Variants in MGA observed in about 807,000 individuals in gnomAD.
MGA encodes the protein MAX gene-associated protein.
MGA carries 40 observed loss-of-function variants against 261.1 expected under a neutral mutation model. The ratio of observed to expected loss-of-function variants is 0.15; its 90% CI spans 0.12 to 0.20. MGA has a LOEUF of 0.20. MGA is among the 10% of genes least tolerant of loss of function. The probability of loss-of-function intolerance (pLI) is 1.00; values close to 1 mark genes in which losing one functional copy is unlikely to be tolerated. For synonymous variants in MGA, 1,302 were observed against 1,290.6 expected, an observed-to-expected ratio of 1.01 and a Z score of -0.19; for missense variants, 3,397 against 3,630.5, an observed-to-expected ratio of 0.94 and a Z score of 1.65.
At chr15:41,705,941 A>G (rs577611393) in intron 5 of MGA, among the ~76,000 whole-genome samples, 2 of 152,332 alleles carry the variant, frequency 1.3e-5, no homozygotes, top group African/African-American at 4.8e-5. Flanking sequence ...ATTAAATACA[A>G]TAAATATGTA....
chr15:41,683,305 G>T (rs2058770932), intron 2 of MGA, among the ~76,000 whole-genome samples: 1 of 151,436 alleles, frequency 6.6e-6, no homozygotes, highest in Admixed American at 6.6e-5. Context: ...CTGCAAGCTT[G>T]GTCTCTTGGT....
chr15:41,672,030 A>G (rs2058090384), intron 2 of MGA, among the ~76,000 whole-genome samples: 1 of 152,260 alleles, frequency 6.6e-6, no homozygotes, highest in Non-Finnish European at 1.5e-5. Flanking sequence ...ACAGTTGACC[A>G]CAAATTATAT....
At chr15:41,728,769 G>A (rs2061369604) in intron 10 of MGA, among the ~76,000 whole-genome samples, 1 of 152,112 alleles carries the variant, frequency 6.6e-6, no homozygotes, top group Non-Finnish European at 1.5e-5. Context: ...GAAAATAAGA[G>A]TAAATATTTA....
At position 41,709,703 on chromosome 15, in the gene MGA, C is replaced by T. The variant is rs115466401; in HGVS notation, c.2426-988C>T. On this transcript the variant is annotated intron_variant, in intron 7 of 23. Transcript: ENST00000219905. ...CACCTGCCTTGGCCTCACTAAGTGCCGGGATTACAGGCATGAACCCCCGTG... is the reference window on the plus strand; with the variant it reads ...CACCTGCCTTGGCCTCACTAAGTGCTGGGATTACAGGCATGAACCCCCGTG... Among the ~76,000 whole-genome samples the T allele has an allele frequency of 4.1e-3, 624 of 152,000 alleles. 5 individuals are homozygous for T. Among genetic ancestry groups the T allele is most frequent in the African/African-American group, 0.014 (582 of 41,468 alleles).
In MGA at chr15:41,661,949, A is replaced by G. The variant is rs115303965; in HGVS notation, c.-68+1424A>G. On this transcript the variant is annotated intron_variant, in intron 1 of 23. Coordinates refer to ENST00000219905, the MANE Select transcript of MGA (RefSeq NM_001164273.2). ...ATCTGTCGGGACTCTTCCCCGGAAG[A>G]GCTTTCCTTGCGGCATTTTTTCACG... Among the ~76,000 whole-genome samples the G allele has an allele frequency of 4.6e-3, 699 of 151,878 alleles. 5 individuals are homozygous for G. Among genetic ancestry groups the G allele is most frequent in the African/African-American group, 0.016 (668 of 41,390 alleles).
At chr15:41,690,870 C>CCTTG (rs35750120) in intron 2 of MGA, among the ~76,000 whole-genome samples, 33,707 of 151,820 alleles carry the variant, frequency 0.22, 4,635 homozygotes, top group Middle Eastern at 0.41. Flanking sequence ...CACAGTGGGA[C>CCTTG]CTTGTCTCAA....
chr15:41,674,773 C>T (rs1381549680), intron 2 of MGA, among the ~76,000 whole-genome samples: 1 of 152,224 alleles, frequency 6.6e-6, no homozygotes, highest in Non-Finnish European at 1.5e-5. Flanking sequence ...CCGCCTTGGC[C>T]TCCCAAAGTG....
rs1431306323 is a variant in MGA, at chr15:41,768,569, T to A, written c.*1289T>A. On this transcript the variant is annotated 3_prime_UTR_variant, in exon 24 of 24. Transcript: ENST00000219905. ...CAAGAATCACTATTCTGAAACTGTA[T>A]AGACTGGGATTTAGCTGCTGCATTT... The A allele has an allele frequency of 6.6e-6, 1 of 152,624 alleles. No homozygotes were observed. The highest frequency in any genetic ancestry group is 1.5e-5 in the Non-Finnish European group (1 of 68,040). The allele number at this position is 152,624 out of a possible 1,614,324, so 9.5% of individuals were successfully genotyped here. A position where few individuals can be genotyped will look rare whatever the true frequency, so the allele number is the denominator to read the frequency against.
chr15:41,704,231 G>T (rs1197047492), intron 5 of MGA, among the ~76,000 whole-genome samples: 1 of 151,296 alleles, frequency 6.6e-6, no homozygotes, highest in East Asian at 1.9e-4. Flanking sequence ...TTTTTTTAGA[G>T]ATGGGGTCTC....
At chr15:41,654,796 G>A (rs540530323) in intron 1 of MGA, among the ~76,000 whole-genome samples, 3 of 152,118 alleles carry the variant, frequency 2.0e-5, no homozygotes, top group African/African-American at 4.8e-5. Context: ...TTACAGGCCC[G>A]AGCCACTGTG....
chr15:41,623,752 G>T (rs935015660), intron 1 of MGA, among the ~76,000 whole-genome samples: 1 of 140,722 alleles, frequency 7.1e-6, no homozygotes, highest in African/African-American at 2.6e-5. Context: ...GAATCTAGGT[G>T]AATTATTTAT....
rs111549859 is a variant in MGA at position 41,648,561 on chromosome 15, G to C, written c.-67-20267G>C. On this transcript the variant is annotated intron_variant, in intron 1 of 8. Coordinates refer to the MGA transcript ENST00000566718. ...AGCATTGCTAAGGAAGTGATATTTAGACAAACTGGTAGGATGTATAGGTGT... is the reference window on the plus strand; with the variant it reads ...AGCATTGCTAAGGAAGTGATATTTACACAAACTGGTAGGATGTATAGGTGT... Among the ~76,000 whole-genome samples, 704 of 152,304 alleles carry C rather than the reference G, an allele frequency of 4.6e-3. 7 individuals carry two copies. The highest frequency in any genetic ancestry group is 0.016 in the African/African-American group (666 of 41,556).
rs1352613579 is a variant in MGA at position 41,713,186 on chromosome 15, A to G, written c.3120A>G (p.Ile1040Met). ...AAACTAAACCTATCCACACAATCAT[A>G]AGGAAACGAGCCCCTCCCTGCAACA... The change falls in exon 9 of 24, where the codon ATA (isoleucine) becomes ATG (methionine). Residue 1040 changes from isoleucine (I) to methionine (M), a missense_variant. This residue lies in a region of MGA where 519 missense variants were observed against 554.1 expected (regional missense o/e 0.94). Coordinates refer to ENST00000219905, the MANE Select transcript of MGA (RefSeq NM_001164273.2). The G allele has an allele frequency of 6.2e-7, 1 of 1,613,770 alleles. No homozygotes were observed. Among genetic ancestry groups the G allele is most frequent in the South Asian group, 1.1e-5 (1 of 91,076 alleles).
At chr15:41,761,982 G>A in intron 21 of MGA, 132 bp downstream of exon 21, 2 of 991,276 alleles carry the variant, frequency 2.0e-6, no homozygotes, top group Non-Finnish European at 3.0e-6. Context: ...TCCTTTGACT[G>A]GGTGGTGGGT....
At chr15:41,747,917 C>T (rs2062597102) in intron 15 of MGA, among the ~76,000 whole-genome samples, 1 of 152,138 alleles carries the variant, frequency 6.6e-6, no homozygotes, top group South Asian at 2.1e-4. Flanking sequence ...AGAATTTCAG[C>T]AACTTTATAA....
At chr15:41,663,405 C>A (rs1173939423) in intron 1 of MGA, among the ~76,000 whole-genome samples, 1 of 152,046 alleles carries the variant, frequency 6.6e-6, no homozygotes, top group Non-Finnish European at 1.5e-5. Flanking sequence ...CTTTTAGTTT[C>A]CCAGAGTATT....
intron 1 of MGA, among the ~76,000 whole-genome samples, chr15:41,641,710 G>T (rs776163079): frequency 6.6e-6 from 1 of 151,322 alleles, no homozygotes; most frequent in African/African-American, 2.4e-5. Context: ...GGATGGTCTC[G>T]ATCTCTTGAC....
chr15:41,749,824 A>T lies in MGA; in HGVS notation c.6217A>T (p.Asn2073Tyr), dbSNP rs1286055147. Residue 2073 changes from asparagine (N) to tyrosine (Y), a missense_variant, in exon 17 of 24, where the codon AAT (asparagine) becomes TAT (tyrosine). This residue lies in a region of MGA where 1,410 missense variants were observed against 1,386.4 expected (regional missense o/e 1.02). Coordinates refer to ENST00000219905, the MANE Select transcript of MGA (RefSeq NM_001164273.2). ...TGTTAATGAAGAATATGGGGCTAGG[A>T]ATCGTAAGAGTTCCAAAGAAAAAGT... is the stretch of plus-strand genomic sequence containing the variant. The T allele has an allele frequency of 1.9e-6, 3 of 1,613,966 alleles. No homozygotes were observed. In the Admixed American group the frequency reaches 5.0e-5, roughly 27 times the overall value.
chr15:41,739,269 T>C (rs1395558458), intron 13 of MGA, among the ~76,000 whole-genome samples: 4 of 152,228 alleles, frequency 2.6e-5, no homozygotes, highest in Non-Finnish European at 1.5e-5. Context: ...TAGTTAATTA[T>C]GTCTAGAATA....
Sources: allele counts gnomAD v4.1 joint callset (sites outside exome capture counted in the v4.1 genomes callset), GRCh38; gene constraint gnomAD v4.1.1; regional missense constraint gnomAD v4.1.1; transcripts MANE v1.5; gene names NCBI Gene and HGNC (gene_info 2026-07-23, HGNC 2026-07-21).